Variants in NTNG1 observed in about 807,000 individuals in gnomAD.
NTNG1 encodes netrin G1.
Under a neutral mutation model 54.0 loss-of-function variants are expected in NTNG1, and 16 were observed. The ratio of observed to expected loss-of-function variants is 0.30; its 90% confidence interval spans 0.20 to 0.45. The LOEUF (loss-of-function observed/expected upper bound fraction) is 0.45, where lower values mean the gene tolerates loss of function less well. Ranked by LOEUF, NTNG1 falls within the 20% of genes least tolerant of loss-of-function variation. NTNG1 has a pLI of 1.00. For synonymous variants in NTNG1, 255 were observed against 263.1 expected (o/e 0.97, Z 0.30); for missense variants, 530 against 678.7 (o/e 0.78, Z 2.43).
chr1:107,248,819 G>A (rs1176605713), intron 2 of NTNG1, among the ~76,000 whole-genome samples: 1 of 151,952 alleles, frequency 6.6e-6, no homozygotes, highest in Non-Finnish European at 1.5e-5. Flanking sequence ...AATGTTGGTG[G>A]TTTACTTCAT....
chr1:107,339,105 C>T (rs563418189), intron 3 of NTNG1, among the ~76,000 whole-genome samples: 114 of 152,088 alleles, frequency 7.5e-4, no homozygotes, highest in African/African-American at 2.6e-3. Flanking sequence ...TTATTGCCCA[C>T]CTGGCTGATT....
chr1:107,281,842 C>A (rs1664881994), intron 2 of NTNG1, among the ~76,000 whole-genome samples: 1 of 152,058 alleles, frequency 6.6e-6, no homozygotes, highest in Non-Finnish European at 1.5e-5. Flanking sequence ...TTTTTCCCAG[C>A]AAGACATTCC....
At position 107,404,974 on chromosome 1, in the gene NTNG1, T is replaced by C. The variant is rs2587901; in HGVS notation, c.1061-2708T>C. Reference sequence around the variant, plus strand: ...GCTTTTAGACATAGTCACTGTTTGTTGTAAGATGGAATTGCATTCATTGAT... The same window carrying C: ...GCTTTTAGACATAGTCACTGTTTGTCGTAAGATGGAATTGCATTCATTGAT... On this transcript the variant is annotated intron_variant, in intron 4 of 7. Coordinates refer to ENST00000370068, the MANE Select transcript of NTNG1 (RefSeq NM_001113226.3). Among the ~76,000 whole-genome samples the C allele has an allele frequency of 8.6e-3, 1,316 of 152,294 alleles. 16 individuals carry two copies. The highest frequency in any genetic ancestry group is 0.026 in the African/African-American group (1,061 of 41,572).
intron 2 of NTNG1, among the ~76,000 whole-genome samples, chr1:107,209,149 C>G (rs934431511): frequency 1.3e-5 from 2 of 151,834 alleles, no homozygotes; most frequent in Admixed American, 1.3e-4. Flanking sequence ...GCAAATACCC[C>G]ATAGCATTTG....
intron 7 of NTNG1, among the ~76,000 whole-genome samples, chr1:107,451,390 G>A (rs1676619495): frequency 6.6e-6 from 1 of 152,100 alleles, no homozygotes; most frequent in African/African-American, 2.4e-5. Flanking sequence ...CTGAGGAACA[G>A]AGGATGAGTT....
chr1:107,287,391 T>A lies in NTNG1; in HGVS notation c.247-36891T>A, dbSNP rs116920594. Among the ~76,000 whole-genome samples, 30 of 152,276 alleles carry A rather than the reference T, an allele frequency of 2.0e-4. No individual in the cohort carries two copies. In the East Asian group the frequency reaches 5.2e-3, roughly 26 times the overall value. ...ATGGCCCTTGGTTAACTACTACATA[T>A]TTTTTGGAGCGTTAGCCTTCAAAGA... On this transcript the variant is annotated intron_variant, in intron 2 of 7. Transcript: ENST00000370068.
At chr1:107,167,489 T>A (rs1375281235) in intron 2 of NTNG1, among the ~76,000 whole-genome samples, 1 of 151,720 alleles carries the variant, frequency 6.6e-6, no homozygotes, top group Non-Finnish European at 1.5e-5. Flanking sequence ...AATATGTATT[T>A]TTATATTTGT....
chr1:107,401,291 G>T (rs1007008875), intron 4 of NTNG1, among the ~76,000 whole-genome samples: 1 of 152,112 alleles, frequency 6.6e-6, no homozygotes, highest in African/African-American at 2.4e-5. Flanking sequence ...TTTTGTCAGC[G>T]CAGTAAGAGA....
intron 2 of NTNG1, among the ~76,000 whole-genome samples, chr1:107,237,375 G>A (rs1364939418): frequency 6.6e-6 from 1 of 152,146 alleles, no homozygotes; most frequent in Non-Finnish European, 1.5e-5. Context: ...AAAGAAAGCA[G>A]AGCATAAAAG....
intron 7 of NTNG1, among the ~76,000 whole-genome samples, chr1:107,452,440 T>A (rs892505003): frequency 6.6e-6 from 1 of 152,134 alleles, no homozygotes; most frequent in African/African-American, 2.4e-5. Flanking sequence ...ATGGTATAAA[T>A]AGAGCTTGAG....
At position 107,481,824 on chromosome 1, in the gene NTNG1, G is replaced by T. The variant is rs1678732188; in HGVS notation, c.*984G>T. The T allele has an allele frequency of 6.6e-6, 1 of 152,510 alleles. No individual in the cohort carries two copies. The highest frequency in any genetic ancestry group is 1.5e-5 in the Non-Finnish European group (1 of 68,012). 9.4% of individuals were successfully genotyped at this position (152,510 alleles called of 1,614,324 possible). ...TTTTCTTGTTGCTTTAACACTGGAA[G>T]ATTTAAAGAATAAAAACTCCTGCAT... On this transcript the variant is annotated 3_prime_UTR_variant, in exon 8 of 8. Coordinates refer to ENST00000370068, the MANE Select transcript of NTNG1 (RefSeq NM_001113226.3).
chr1:107,375,385 C>T (rs1191671378), intron 3 of NTNG1, among the ~76,000 whole-genome samples: 2 of 152,130 alleles, frequency 1.3e-5, no homozygotes, highest in African/African-American at 4.8e-5. Flanking sequence ...AAAAACGTTT[C>T]GTATATTTTG....
At chr1:107,361,133 TTATATTA>T (rs1203223453) in intron 3 of NTNG1, among the ~76,000 whole-genome samples, 6 of 145,400 alleles carry the variant, frequency 4.1e-5, no homozygotes, top group Non-Finnish European at 7.5e-5. Context: ...TATATATTTC[TTATATTA>T]TATATTATAT....
At chr1:107,251,982 T>G (rs933471723) in intron 2 of NTNG1, among the ~76,000 whole-genome samples, 1 of 152,114 alleles carries the variant, frequency 6.6e-6, no homozygotes, top group Non-Finnish European at 1.5e-5. Flanking sequence ...GGAACCAGCC[T>G]CCATGGTTTA....
At chr1:107,450,003 A>G (rs1315946397) in intron 7 of NTNG1, among the ~76,000 whole-genome samples, 1 of 152,100 alleles carries the variant, frequency 6.6e-6, no homozygotes, top group African/African-American at 2.4e-5. Context: ...AGGTATAAAG[A>G]AAAATGTATG....
intron 5 of NTNG1, among the ~76,000 whole-genome samples, chr1:107,429,533 A>T (rs1196098317): frequency 6.6e-6 from 1 of 152,186 alleles, no homozygotes; most frequent in African/African-American, 2.4e-5. Context: ...ATATTTATTG[A>T]ATGAATGAAT....
chr1:107,423,349 A>G (rs533729951), intron 5 of NTNG1, among the ~76,000 whole-genome samples: 1 of 152,164 alleles, frequency 6.6e-6, no homozygotes, highest in Non-Finnish European at 1.5e-5. Context: ...TTGCTACCAC[A>G]TCTAGTCATC....
chr1:107,317,828 A>G lies in NTNG1; in HGVS notation c.247-6454A>G, dbSNP rs576721823. 5.3e-5 allele frequency among the ~76,000 whole-genome samples: 8 copies of G among 152,314 alleles called. No homozygotes were observed. The East Asian group carries it at 9.6e-4, about 18-fold the overall frequency. On this transcript the variant is annotated intron_variant, in intron 2 of 7. Transcript: ENST00000370068. ...TCAATCAGGCCCTAAGCTGGTGTCT[A>G]TGCCAGCGGGGAATCTCTGTGATGA...
chr1:107,288,821 A>C (rs1217740065), intron 2 of NTNG1, among the ~76,000 whole-genome samples: 2 of 152,180 alleles, frequency 1.3e-5, no homozygotes, highest in Non-Finnish European at 2.9e-5. Context: ...TACATATTCA[A>C]TCTCATTGGA....
Sources: gnomAD v4.1 joint callset for allele counts (sites outside exome capture counted in the v4.1 genomes callset) on GRCh38, gnomAD v4.1.1 for gene constraint, MANE v1.5 for transcripts, NCBI Gene and HGNC (gene_info 2026-07-23, HGNC 2026-07-21) for gene names.